The following SLC39A11 variants were observed in gnomAD, a reference collection of about 807,000 sequenced individuals.
SLC39A11 encodes the protein zinc transporter ZIP11.
In SLC39A11, 33 loss-of-function variants were observed where a neutral mutation model predicts 36.1. The ratio of observed to expected loss-of-function variants is 0.91; its 90% CI spans 0.69 to 1.22. SLC39A11 has a LOEUF of 1.22. SLC39A11 is among the 50% of genes most tolerant of loss of function. SLC39A11 has a pLI of 0.00. For synonymous variants in SLC39A11, 166 were observed against 170.3 expected, an observed-to-expected ratio of 0.97 and a Z score of 0.20; for missense variants, 432 against 430.3, an observed-to-expected ratio of 1.00 and a Z score of -0.03.
At chr17:72,963,562 C>T (rs185301721) in intron 4 of SLC39A11, among the ~76,000 whole-genome samples, 349 of 152,266 alleles carry the variant, frequency 2.3e-3, no homozygotes, top group Non-Finnish European at 4.2e-3. Context: ...ATTTCTAGCA[C>T]GTTGACATTT....
At chr17:72,942,426 G>A (rs1490353718) in intron 5 of SLC39A11, among the ~76,000 whole-genome samples, 1 of 152,116 alleles carries the variant, frequency 6.6e-6, no homozygotes, top group African/African-American at 2.4e-5. Context: ...TTCATTTTTA[G>A]AGATCTTACC....
rs532763313 is a variant in SLC39A11 at position 72,648,840 on chromosome 17, C to T, written c.892G>A (p.Val298Met). 15 of 1,614,150 alleles carry T rather than the reference C, an allele frequency of 9.3e-6. No individual in the cohort carries two copies. The highest frequency in any genetic ancestry group is 1.6e-4 in the Middle Eastern group (1 of 6,062). The change falls in exon 9 of 10, where the codon GTG (valine) becomes ATG (methionine). Residue 298 changes from valine to methionine, a missense_variant. Physicochemically the swap from Val to Met is conservative, Grantham distance 21. Coordinates refer to ENST00000255559, the MANE Select transcript of SLC39A11 (RefSeq NM_139177.4). ...LAFAAGAMVY[V>M]VMDDIIPEAQ... ...TCGGGGATGATGTCGTCCATGACCACGTAGACCATGGCACCGGCAGCAAAG... is the reference window on the plus strand; with the variant it reads ...TCGGGGATGATGTCGTCCATGACCATGTAGACCATGGCACCGGCAGCAAAG...
intron 6 of SLC39A11, among the ~76,000 whole-genome samples, chr17:72,784,210 T>G (rs2076420731): frequency 6.6e-6 from 1 of 152,094 alleles, no homozygotes; most frequent in Non-Finnish European, 1.5e-5. Context: ...CTGGGCATGG[T>G]GGCGCATGCC....
chr17:72,978,636 A>C (rs2088050676), intron 4 of SLC39A11, among the ~76,000 whole-genome samples: 1 of 151,624 alleles, frequency 6.6e-6, no homozygotes, highest in African/African-American at 2.4e-5. Flanking sequence ...GGGGGTGGGG[A>C]GACTGTGGGG....
chr17:72,843,863 G>A (rs1028726499), intron 6 of SLC39A11, among the ~76,000 whole-genome samples: 1 of 152,144 alleles, frequency 6.6e-6, no homozygotes, highest in East Asian at 1.9e-4. Context: ...AAGAGCCCCA[G>A]ACGTGTGCAT....
chr17:72,962,588 G>A (rs1431995856), intron 4 of SLC39A11, among the ~76,000 whole-genome samples: 2 of 152,030 alleles, frequency 1.3e-5, no homozygotes, highest in Non-Finnish European at 2.9e-5. Flanking sequence ...CCAGGCTGGA[G>A]TACAGTGGCC....
At chr17:73,084,981 G>A in intron 2 of SLC39A11, 135 bp from the exon 3 acceptor site, 1 of 861,912 alleles carries the variant, frequency 1.2e-6, no homozygotes, top group South Asian at 1.5e-5. Context: ...GAGCTACTCA[G>A]TTTATACCAT....
intron 5 of SLC39A11, among the ~76,000 whole-genome samples, chr17:72,860,593 C>T (rs1284238469): frequency 6.6e-6 from 1 of 152,162 alleles, no homozygotes; most frequent in African/African-American, 2.4e-5. Context: ...ACCAGTCCTC[C>T]CAGCAGGCAC....
chr17:72,793,477 T>A (rs1169147883), intron 6 of SLC39A11, among the ~76,000 whole-genome samples: 1 of 152,192 alleles, frequency 6.6e-6, no homozygotes, highest in African/African-American at 2.4e-5. Context: ...CTTTCTTTCA[T>A]ACAATGTATA....
At chr17:72,954,213 T>A (rs927017466) in intron 4 of SLC39A11, among the ~76,000 whole-genome samples, 1 of 152,056 alleles carries the variant, frequency 6.6e-6, no homozygotes, top group African/African-American at 2.4e-5. Context: ...GCCCGGCTAA[T>A]ATTTGTATTT....
intron 6 of SLC39A11, among the ~76,000 whole-genome samples, chr17:72,794,138 GA>G (rs1289745922): frequency 5.3e-5 from 8 of 152,140 alleles, no homozygotes; most frequent in African/African-American, 1.9e-4. Flanking sequence ...CCTTGGAGCT[GA>G]TGGGAACGCC....
At chr17:72,709,703 G>T (rs966600704) in intron 7 of SLC39A11, among the ~76,000 whole-genome samples, 6 of 152,234 alleles carry the variant, frequency 3.9e-5, no homozygotes, top group Admixed American at 2.6e-4. Flanking sequence ...TGAAGCTGAA[G>T]ATTTTCTTGC....
At chr17:73,076,876 G>A (rs528612373) in intron 3 of SLC39A11, among the ~76,000 whole-genome samples, 8 of 150,002 alleles carry the variant, frequency 5.3e-5, no homozygotes, top group African/African-American at 9.8e-5. Flanking sequence ...CTCTAGACCC[G>A]GGTTTCTCAG....
chr17:72,847,370 C>G (rs2079097432), intron 6 of SLC39A11, among the ~76,000 whole-genome samples: 2 of 150,098 alleles, frequency 1.3e-5, no homozygotes, highest in Non-Finnish European at 2.9e-5. Context: ...CCACTGCACT[C>G]CAGCCTGGGC....
chr17:73,087,732 G>T (rs1027178328), intron 2 of SLC39A11, among the ~76,000 whole-genome samples: 1 of 152,112 alleles, frequency 6.6e-6, no homozygotes, highest in Non-Finnish European at 1.5e-5. Context: ...GTGGGGCCAT[G>T]ACAGTGAGTG....
chr17:72,738,742 CTTTCT>C (rs1368891088), intron 6 of SLC39A11, among the ~76,000 whole-genome samples: 2 of 152,188 alleles, frequency 1.3e-5, no homozygotes. Flanking sequence ...CAAATTCGAA[CTTTCT>C]TTTAAGAAGA....
chr17:72,656,959 T>C (rs902102705), intron 7 of SLC39A11, among the ~76,000 whole-genome samples: 3 of 149,818 alleles, frequency 2.0e-5, no homozygotes, highest in Non-Finnish European at 3.0e-5. Context: ...CTGGGCAACA[T>C]AGCAAGACCC....
intron 4 of SLC39A11, among the ~76,000 whole-genome samples, chr17:72,997,883 G>C (rs1020873323): frequency 1.3e-5 from 2 of 152,162 alleles, no homozygotes; most frequent in African/African-American, 2.4e-5. Flanking sequence ...AAGCACAAGA[G>C]TAGTGATGCT....
At chr17:73,090,082 T>C (rs1451148454) in intron 1 of SLC39A11, among the ~76,000 whole-genome samples, 1 of 152,112 alleles carries the variant, frequency 6.6e-6, no homozygotes, top group Non-Finnish European at 1.5e-5. Flanking sequence ...CACACTGGGC[T>C]CAGCCCTGCC....
Sources: gnomAD v4.1 joint callset for allele counts (sites outside exome capture counted in the v4.1 genomes callset) on GRCh38, gnomAD v4.1.1 for gene constraint, MANE v1.5 for transcripts, NCBI Gene and HGNC (gene_info 2026-07-23, HGNC 2026-07-21) for gene names.